Variants in SDHAF4 observed in about 807,000 individuals in gnomAD.
SDHAF4 encodes the protein succinate dehydrogenase assembly factor 4, mitochondrial.
A neutral mutation model predicts 14.3 loss-of-function variants in SDHAF4; 14 were observed. The ratio of observed to expected loss-of-function variants is 0.98; its 90% CI spans 0.65 to 1.53. The LOEUF (loss-of-function observed/expected upper bound fraction) is 1.53, where lower values mean the gene tolerates loss of function less well. SDHAF4 is among the 40% of genes most tolerant of loss of function. SDHAF4 has a pLI of 0.00. For missense variants in SDHAF4, 141 were observed against 129.3 expected (o/e 1.09, Z -0.44); for synonymous variants, 63 against 47.3 (o/e 1.33, Z -1.36).
intron 1 of SDHAF4, among the ~76,000 whole-genome samples, chr6:70,572,792 G>A (rs949287335): frequency 2.0e-5 from 3 of 151,992 alleles, no homozygotes; most frequent in African/African-American, 7.2e-5. Flanking sequence ...ACATTCCTCT[G>A]TTCAGACTCG....
chr6:70,594,087 G>A (rs1765281649), downstream of SDHAF4, among the ~76,000 whole-genome samples: 1 of 152,186 alleles, frequency 6.6e-6, no homozygotes, highest in Non-Finnish European at 1.5e-5. Context: ...CTTTTGGAAT[G>A]GAAATGTGTA....
intron 2 of SDHAF4, among the ~76,000 whole-genome samples, chr6:70,583,479 G>C (rs1234956858): frequency 6.6e-6 from 1 of 152,166 alleles, no homozygotes; most frequent in Non-Finnish European, 1.5e-5. Context: ...CCTGGAGAAA[G>C]CTATGGTCAA....
In SDHAF4 at chr6:70,582,398, G is replaced by T. The variant is rs890636927; in HGVS notation, c.217+2832G>T. ...TTTTAAATATCACCTATGTGTTGGT[G>T]ATTCATACATTTATACCTCTAATCA... On this transcript the variant is annotated intron_variant, in intron 2 of 2. Transcript: ENST00000370474. Among the ~76,000 whole-genome samples the T allele has an allele frequency of 2.0e-5, 3 of 152,150 alleles. No homozygotes were observed. In the South Asian group the frequency reaches 6.2e-4, roughly 32 times the overall value.
the SDHAF4 span, among the ~76,000 whole-genome samples, chr6:70,597,438 C>T: frequency 5.9e-5 from 9 of 151,740 alleles, no homozygotes; most frequent in East Asian, 1.9e-4. Context: ...CATGAGGCAC[C>T]GCATCAGGCC....
chr6:70,575,223 C>A (rs962569102), intron 1 of SDHAF4, among the ~76,000 whole-genome samples: 7 of 152,058 alleles, frequency 4.6e-5, no homozygotes, highest in African/African-American at 1.7e-4. Context: ...ATTAAAAATA[C>A]AAAAATTAGC....
intron 1 of SDHAF4, among the ~76,000 whole-genome samples, chr6:70,569,814 C>T (rs1432370724): frequency 6.6e-6 from 1 of 152,070 alleles, no homozygotes; most frequent in Non-Finnish European, 1.5e-5. Flanking sequence ...AGAAACCCTT[C>T]TGTACCCTAA....
intron 1 of SDHAF4, among the ~76,000 whole-genome samples, chr6:70,578,359 C>T (rs1043664585): frequency 2.0e-5 from 3 of 151,906 alleles, no homozygotes; most frequent in East Asian, 1.9e-4. Flanking sequence ...GTTTGTTGGC[C>T]GCTTATATGT....
the SDHAF4 span, among the ~76,000 whole-genome samples, chr6:70,598,088 C>G: frequency 6.6e-6 from 1 of 152,188 alleles, no homozygotes; most frequent in Non-Finnish European, 1.5e-5. Context: ...TAAGATCTTT[C>G]ATTTGCAGGC....
chr6:70,581,958 T>A (rs1765137009), intron 2 of SDHAF4, among the ~76,000 whole-genome samples: 1 of 152,174 alleles, frequency 6.6e-6, no homozygotes, highest in African/African-American at 2.4e-5. Flanking sequence ...CTTCCTGGGC[T>A]CCTTTTTGAG....
intron 1 of SDHAF4, among the ~76,000 whole-genome samples, chr6:70,577,579 A>G (rs1562056667): frequency 6.6e-6 from 1 of 152,318 alleles, no homozygotes; most frequent in East Asian, 1.9e-4. Flanking sequence ...TTTATTTTAG[A>G]TTCAGGGAGT....
intron 1 of SDHAF4, among the ~76,000 whole-genome samples, chr6:70,575,090 CAAG>C (rs1802235990): frequency 6.6e-6 from 1 of 152,172 alleles, no homozygotes; most frequent in Admixed American, 6.5e-5. Context: ...AAGAAAGACA[CAAG>C]AAGGCTTTGC....
At chr6:70,572,790 C>T (rs555609374) in intron 1 of SDHAF4, among the ~76,000 whole-genome samples, 1 of 152,168 alleles carries the variant, frequency 6.6e-6, no homozygotes, top group South Asian at 2.1e-4. Context: ...TTACATTCCT[C>T]TGTTCAGACT....
downstream of SDHAF4, among the ~76,000 whole-genome samples, chr6:70,593,547 G>T (rs954658604): frequency 6.6e-6 from 1 of 152,226 alleles, no homozygotes; most frequent in African/African-American, 2.4e-5. Context: ...ACTCCAACCT[G>T]TGAGAGTAGC....
At chr6:70,576,170 A>AAAGCCT (rs1158986572) in intron 1 of SDHAF4, among the ~76,000 whole-genome samples, 4 of 152,196 alleles carry the variant, frequency 2.6e-5, no homozygotes, top group Non-Finnish European at 4.4e-5. Context: ...CGAAAGCTGT[A>AAAGCCT]AAGCCTGCAG....
At chr6:70,579,618 T>G (rs772839361) in intron 2 of SDHAF4, 52 bp downstream of exon 2, 18 of 1,441,382 alleles carry the variant, frequency 1.2e-5, no homozygotes, top group Non-Finnish European at 1.6e-5. Context: ...GAAAGTGTTT[T>G]AGTTATTGAG....
intron 2 of SDHAF4, among the ~76,000 whole-genome samples, chr6:70,584,057 GCT>G (rs1314151536): frequency 6.6e-6 from 1 of 152,108 alleles, no homozygotes; most frequent in African/African-American, 2.4e-5. Flanking sequence ...ACGGAGTCTT[GCT>G]CTGTTGCCCA....
At chr6:70,568,856 A>T (rs556566962) in intron 1 of SDHAF4, among the ~76,000 whole-genome samples, 6 of 152,172 alleles carry the variant, frequency 3.9e-5, no homozygotes, top group African/African-American at 1.4e-4. Flanking sequence ...TTGGCTGCCT[A>T]CAGGGAAATG....
intron 2 of SDHAF4, 115 bp downstream of exon 2, chr6:70,579,681 A>C (rs1802297144): frequency 3.7e-6 from 3 of 801,618 alleles, no homozygotes; most frequent in Admixed American, 6.8e-5. Context: ...GTAGTAATAA[A>C]GCATATTTCA....
In SDHAF4 at chr6:70,579,585, C is replaced by A; in HGVS notation, c.217+19C>A. 6.4e-7 allele frequency: 1 copy of A among 1,550,830 alleles called. No homozygotes were observed. The highest frequency in any genetic ancestry group is 8.7e-7 in the Non-Finnish European group (1 of 1,149,466). Reference sequence around the variant, plus strand: ...CTGGAAAGTAAGTATAATAAAGCACCTCTCAGTTTTTGAAGTATCAAGGAA... The same window carrying A: ...CTGGAAAGTAAGTATAATAAAGCACATCTCAGTTTTTGAAGTATCAAGGAA... On this transcript the variant is annotated intron_variant, in intron 2 of 2. Transcript: ENST00000370474.
Sources: gnomAD v4.1 joint callset for allele counts (sites outside exome capture counted in the v4.1 genomes callset) on GRCh38, gnomAD v4.1.1 for gene constraint, MANE v1.5 for transcripts, NCBI Gene and HGNC (gene_info 2026-07-23, HGNC 2026-07-21) for gene names.